Variants in ANKFN1 observed in about 807,000 individuals in gnomAD.
ANKFN1 encodes ankyrin repeat and fibronectin type III domain containing 1.
In ANKFN1, 74 loss-of-function variants were observed where a neutral mutation model predicts 108.7. The observed-to-expected ratio is 0.68, with a 90% CI of 0.56 to 0.83. ANKFN1 has a LOEUF of 0.83. ANKFN1 is among the 40% of genes least tolerant of loss of function. The pLI is 0.00. For synonymous variants in ANKFN1, 547 were observed against 516.2 expected (o/e 1.06, Z -0.81); for missense variants, 1,505 against 1,382.3 (o/e 1.09, Z -1.41).
At chr17:56,098,763 C>T (rs1413641356) in intron 4 of ANKFN1, among the ~76,000 whole-genome samples, 1 of 152,098 alleles carries the variant, frequency 6.6e-6, no homozygotes, top group Non-Finnish European at 1.5e-5. Context: ...CAACCCAAAC[C>T]TCACCTTCAA....
At chr17:56,070,797 C>T (rs1023405896) in intron 4 of ANKFN1, among the ~76,000 whole-genome samples, 4 of 150,860 alleles carry the variant, frequency 2.7e-5, no homozygotes, top group South Asian at 2.1e-4. Context: ...TGCAGTGGCG[C>T]GATCTCAGCT....
chr17:56,492,702 TATTA>T (rs2051080023), intron 19 of ANKFN1, among the ~76,000 whole-genome samples: 1 of 152,164 alleles, frequency 6.6e-6, no homozygotes, highest in Non-Finnish European at 1.5e-5. Flanking sequence ...AGAAAAATTG[TATTA>T]ATTAATTCAA....
chr17:56,243,640 A>G (rs1189738321), intron 3 of ANKFN1, among the ~76,000 whole-genome samples: 3 of 152,098 alleles, frequency 2.0e-5, no homozygotes, highest in Non-Finnish European at 2.9e-5. Context: ...CCCTAATTCT[A>G]GTCCTTCCTA....
At chr17:56,230,006 G>T (rs1250040131) in intron 3 of ANKFN1, among the ~76,000 whole-genome samples, 1 of 152,058 alleles carries the variant, frequency 6.6e-6, no homozygotes, top group Non-Finnish European at 1.5e-5. Flanking sequence ...CTCTGGAGTT[G>T]ACTTTTTGTC....
intron 6 of ANKFN1, among the ~76,000 whole-genome samples, chr17:56,370,080 T>A (rs1450547265): frequency 6.6e-6 from 1 of 152,184 alleles, no homozygotes; most frequent in East Asian, 1.9e-4. Flanking sequence ...TTAGAGGTGA[T>A]CATTGCACCC....
chr17:56,344,480 A>T (rs2046043848), intron 4 of ANKFN1, among the ~76,000 whole-genome samples: 1 of 152,052 alleles, frequency 6.6e-6, no homozygotes, highest in Non-Finnish European at 1.5e-5. Context: ...TTGCAGAGCC[A>T]TGAAGTCAGA....
At chr17:56,431,998 A>T (rs188516457) in intron 8 of ANKFN1, among the ~76,000 whole-genome samples, 3 of 152,378 alleles carry the variant, frequency 2.0e-5, no homozygotes, top group Admixed American at 2.0e-4. Context: ...CAAAAATGTC[A>T]GAATCCCAGG....
chr17:56,219,365 A>C, intron 2 of ANKFN1, among the ~76,000 whole-genome samples: 1 of 151,244 alleles, frequency 6.6e-6, no homozygotes. Flanking sequence ...TCCTGCCTCA[A>C]CCTCCCAAGT....
intron 3 of ANKFN1, among the ~76,000 whole-genome samples, chr17:56,289,500 G>T (rs2044303986): frequency 6.6e-6 from 1 of 152,310 alleles, no homozygotes; most frequent in South Asian, 2.1e-4. Flanking sequence ...TCAGCAGGAA[G>T]CTAGCCTACA....
intron 4 of ANKFN1, among the ~76,000 whole-genome samples, chr17:56,061,253 A>ATGGTAGT (rs1469426779): frequency 7.9e-6 from 1 of 126,878 alleles, no homozygotes; most frequent in Non-Finnish European, 1.6e-5. Flanking sequence ...GATTTCTCTG[A>ATGGTAGT]TGGTAGTTTT....
intron 8 of ANKFN1, among the ~76,000 whole-genome samples, chr17:56,417,623 A>T (rs980237599): frequency 6.6e-6 from 1 of 152,076 alleles, no homozygotes; most frequent in African/African-American, 2.4e-5. Flanking sequence ...CCTTTTTTCT[A>T]CCCATTTTGT....
intron 4 of ANKFN1, among the ~76,000 whole-genome samples, chr17:56,092,266 A>ATTTT (rs748898792): frequency 0.038 from 4,259 of 111,128 alleles, 299 homozygotes; most frequent in East Asian, 0.26. Flanking sequence ...GTGAGGTAGT[A>ATTTT]TTTTTTTTTT....
At chr17:56,270,600 C>A (rs8079697) in intron 3 of ANKFN1, among the ~76,000 whole-genome samples, 104 of 152,190 alleles carry the variant, frequency 6.8e-4, no homozygotes, top group African/African-American at 2.0e-3. Context: ...CCTCCCCTGG[C>A]TTATGGCTTC....
intron 4 of ANKFN1, among the ~76,000 whole-genome samples, chr17:56,123,794 A>ATT (rs955815459): frequency 1.1e-5 from 1 of 89,898 alleles, no homozygotes; most frequent in Non-Finnish European, 2.5e-5. Flanking sequence ...TGCATGACTG[A>ATT]TTGTGTGTGT....
At chr17:56,068,988 A>G (rs1905091995) in intron 4 of ANKFN1, among the ~76,000 whole-genome samples, 1 of 152,200 alleles carries the variant, frequency 6.6e-6, no homozygotes, top group African/African-American at 2.4e-5. Flanking sequence ...TCCCCCTCCT[A>G]TGAATCTCAG....
intron 4 of ANKFN1, among the ~76,000 whole-genome samples, chr17:56,120,590 A>G (rs1056152078): frequency 6.6e-6 from 1 of 152,308 alleles, no homozygotes; most frequent in African/African-American, 2.4e-5. Context: ...CCTCCTCTGG[A>G]CAAAGCTTGG....
chr17:56,491,849 G>C (rs2051049554), intron 18 of ANKFN1, among the ~76,000 whole-genome samples: 2 of 152,074 alleles, frequency 1.3e-5, no homozygotes, highest in Non-Finnish European at 2.9e-5. Flanking sequence ...TGATAAGCAA[G>C]CTTATTTTCC....
intron 4 of ANKFN1, among the ~76,000 whole-genome samples, chr17:56,133,515 G>A (rs1907406953): frequency 6.7e-6 from 1 of 150,148 alleles, no homozygotes; most frequent in African/African-American, 2.5e-5. Context: ...GATACCATTT[G>A]GGATGTGTAT....
chr17:56,419,930 T>C (rs2048351376), intron 8 of ANKFN1, among the ~76,000 whole-genome samples: 1 of 152,130 alleles, frequency 6.6e-6, no homozygotes, highest in Non-Finnish European at 1.5e-5. Flanking sequence ...ACTACATGGG[T>C]CCATAGTCCT....
Sources: allele counts gnomAD v4.1 joint callset (sites outside exome capture counted in the v4.1 genomes callset), GRCh38; gene constraint gnomAD v4.1.1; transcripts MANE v1.5; gene names NCBI Gene and HGNC (gene_info 2026-07-23, HGNC 2026-07-21).